KCTD16: variants seen among roughly 807,000 people sequenced by gnomAD.
The protein encoded by KCTD16 is potassium channel tetramerization domain containing 16, also known as BTB/POZ domain-containing protein KCTD16.
KCTD16 carries 13 observed loss-of-function variants against 33.2 expected under a neutral mutation model. The ratio of observed to expected loss-of-function variants is 0.39; its 90% confidence interval spans 0.25 to 0.62. The LOEUF is 0.62. KCTD16 is among the 20% of genes least tolerant of loss of function. The pLI, the probability that KCTD16 is intolerant of heterozygous loss-of-function variation, is 0.50. For synonymous variants in KCTD16, 197 were observed against 195.3 expected (o/e 1.01, Z -0.07); for missense variants, 441 against 525.1 (o/e 0.84, Z 1.57).
intron 3 of KCTD16, among the ~76,000 whole-genome samples, chr5:144,304,977 C>CTTTTTTTTTTTTTTTTTTTTTTTTT (rs146638360): frequency 3.6e-5 from 3 of 83,418 alleles, no homozygotes; most frequent in African/African-American, 1.1e-4. Flanking sequence ...ATATCAAAAT[C>CTTTTTTTTTTTTTTTTTTTTTTTTT]TTTTTTTTTT....
chr5:144,288,334 C>A (rs10077766), intron 3 of KCTD16, among the ~76,000 whole-genome samples: 8,738 of 152,164 alleles, frequency 0.057, 837 homozygotes, highest in African/African-American at 0.2. Flanking sequence ...ATGCTAACAG[C>A]AATAATTAAC....
chr5:144,222,773 C>T (rs1753801632), intron 3 of KCTD16, among the ~76,000 whole-genome samples: 1 of 152,112 alleles, frequency 6.6e-6, no homozygotes, highest in African/African-American at 2.4e-5. Flanking sequence ...ACCATTTGAC[C>T]CAGCCATCCC....
chr5:144,196,910 C>G (rs1316749009), intron 2 of KCTD16, among the ~76,000 whole-genome samples: 3 of 152,170 alleles, frequency 2.0e-5, no homozygotes, highest in Non-Finnish European at 4.4e-5. Flanking sequence ...AGGTAACATG[C>G]AATTTCCTTG....
At chr5:144,415,139 T>C (rs1753017915) in intron 3 of KCTD16, among the ~76,000 whole-genome samples, 1 of 152,038 alleles carries the variant, frequency 6.6e-6, no homozygotes, top group East Asian at 1.9e-4. Context: ...GGTGAGAGGG[T>C]GAGAGAGCGG....
chr5:144,385,212 T>C (rs1006323601), intron 3 of KCTD16: 1 of 152,182 alleles, frequency 6.6e-6, no homozygotes, highest in African/African-American at 2.4e-5. Flanking sequence ...CTCAATAAAA[T>C]ATAAGGCACA....
intron 3 of KCTD16, among the ~76,000 whole-genome samples, chr5:144,464,232 C>T (rs1361470354): frequency 3.3e-5 from 5 of 152,198 alleles, no homozygotes; most frequent in Admixed American, 2.0e-4. Context: ...GGAACAAGCA[C>T]TAATCTTGAA....
chr5:144,390,723 G>A (rs1752430475), intron 3 of KCTD16, among the ~76,000 whole-genome samples: 1 of 151,670 alleles, frequency 6.6e-6, no homozygotes. Flanking sequence ...TCCCCTCCCT[G>A]TGCCCATGTG....
chr5:144,172,424 T>C (rs990823820), intron 1 of KCTD16, among the ~76,000 whole-genome samples: 2 of 152,252 alleles, frequency 1.3e-5, no homozygotes, highest in African/African-American at 4.8e-5. Context: ...GAGAAAATTA[T>C]AAATCTACTC....
chr5:144,237,796 T>C (rs1754294381), intron 3 of KCTD16, among the ~76,000 whole-genome samples: 2 of 152,122 alleles, frequency 1.3e-5, no homozygotes, highest in African/African-American at 4.8e-5. Flanking sequence ...ACAGCAGAAC[T>C]TAGCACAAGG....
At chr5:144,435,843 A>ATGTG (rs56722254) in intron 3 of KCTD16, among the ~76,000 whole-genome samples, 4,224 of 144,210 alleles carry the variant, frequency 0.029, 180 homozygotes, top group African/African-American at 0.099. Context: ...GTGTGTGTGT[A>ATGTG]TGTGTGTGTG....
chr5:144,256,851 A>T (rs1754863308), intron 3 of KCTD16, among the ~76,000 whole-genome samples: 4 of 152,108 alleles, frequency 2.6e-5, no homozygotes, highest in Admixed American at 2.6e-4. Context: ...GTGATTATAT[A>T]TTGGGTAGAG....
chr5:144,351,174 T>A (rs1269089660), intron 3 of KCTD16, among the ~76,000 whole-genome samples: 1 of 152,198 alleles, frequency 6.6e-6, no homozygotes, highest in Non-Finnish European at 1.5e-5. Context: ...TCGTTTGTTC[T>A]CTGTCTCTGC....
intron 2 of KCTD16, among the ~76,000 whole-genome samples, chr5:144,199,759 C>A (rs996216352): frequency 1.7e-5 from 2 of 114,846 alleles, no homozygotes; most frequent in Admixed American, 1.2e-4. Flanking sequence ...GCTTTGTCAT[C>A]AGGCTGGAGT....
intron 3 of KCTD16, among the ~76,000 whole-genome samples, chr5:144,212,122 G>A (rs529676255): frequency 7.9e-4 from 120 of 152,278 alleles, no homozygotes; most frequent in South Asian, 5.8e-3. Flanking sequence ...CGCAGTTTAA[G>A]TATAAGGCTT....
chr5:144,360,745 T>C (rs1413292343), intron 3 of KCTD16, among the ~76,000 whole-genome samples: 1 of 152,178 alleles, frequency 6.6e-6, no homozygotes, highest in Non-Finnish European at 1.5e-5. Context: ...CATCCTTTTT[T>C]ATGGCTGCAT....
At chr5:144,418,175 T>TA (rs1185227296) in intron 3 of KCTD16, among the ~76,000 whole-genome samples, 1 of 152,154 alleles carries the variant, frequency 6.6e-6, no homozygotes, top group East Asian at 1.9e-4. Flanking sequence ...TGGCAAGTGT[T>TA]ACAGCTCATA....
chr5:144,303,153 G>A (rs1751490877), intron 3 of KCTD16, among the ~76,000 whole-genome samples: 1 of 152,176 alleles, frequency 6.6e-6, no homozygotes, highest in Non-Finnish European at 1.5e-5. Flanking sequence ...ACGTGTCAAG[G>A]ACAGAAGACC....
chr5:144,217,399 A>C (rs1453862453), intron 3 of KCTD16, among the ~76,000 whole-genome samples: 1 of 152,176 alleles, frequency 6.6e-6, no homozygotes, highest in Admixed American at 6.5e-5. Flanking sequence ...GCTGCAACAA[A>C]ATAAAATTTA....
At chr5:144,345,437 G>C (rs1316220877) in intron 3 of KCTD16, among the ~76,000 whole-genome samples, 1 of 152,122 alleles carries the variant, frequency 6.6e-6, no homozygotes, top group African/African-American at 2.4e-5. Flanking sequence ...CTACATATTA[G>C]ATATTGAGAA....
Sources: allele counts gnomAD v4.1 joint callset (sites outside exome capture counted in the v4.1 genomes callset), GRCh38; gene constraint gnomAD v4.1.1; transcripts MANE v1.5; gene names NCBI Gene and HGNC (gene_info 2026-07-23, HGNC 2026-07-21).